Variants in SGCZ observed in about 807,000 individuals in gnomAD.
SGCZ encodes zeta-sarcoglycan.
SGCZ carries 40 observed loss-of-function variants against 41.3 expected under a neutral mutation model. The observed-to-expected ratio is 0.97, with a 90% confidence interval of 0.75 to 1.26. The LOEUF (loss-of-function observed/expected upper bound fraction) is 1.26, where lower values mean the gene tolerates loss of function less well. Among genes scored for constraint, SGCZ ranks in the 50% most tolerant of loss-of-function variants. The pLI is 0.00. For missense variants in SGCZ, 552 were observed against 369.8 expected (o/e 1.49, Z -4.04); for synonymous variants, 206 against 137.5 (o/e 1.50, Z -3.49).
chr8:14,910,183 A>C (rs1799241547), intron 1 of SGCZ, among the ~76,000 whole-genome samples: 1 of 142,932 alleles, frequency 7.0e-6, no homozygotes, highest in African/African-American at 2.9e-5. Context: ...AAAACCAGTA[A>C]CATATCTTCC....
At chr8:14,782,561 G>T (rs369430482) in intron 1 of SGCZ, among the ~76,000 whole-genome samples, 2 of 152,128 alleles carry the variant, frequency 1.3e-5, no homozygotes, top group African/African-American at 2.4e-5. Flanking sequence ...TAACCATCTG[G>T]AACCACCTAA....
intron 2 of SGCZ, among the ~76,000 whole-genome samples, chr8:14,396,739 G>A (rs13277345): frequency 0.19 from 28,656 of 151,718 alleles, 3,452 homozygotes; most frequent in Non-Finnish European, 0.28. Flanking sequence ...TTATTTTTGA[G>A]CTCAGATGAA....
At chr8:15,235,557 C>CT (rs1447328549) in intron 1 of SGCZ, among the ~76,000 whole-genome samples, 7 of 152,170 alleles carry the variant, frequency 4.6e-5, no homozygotes, top group African/African-American at 1.7e-4. Context: ...CCAGTACACT[C>CT]TGGCTATGAG....
chr8:14,997,195 A>G (rs1457607795), intron 1 of SGCZ, among the ~76,000 whole-genome samples: 1 of 152,138 alleles, frequency 6.6e-6, no homozygotes, highest in Non-Finnish European at 1.5e-5. Flanking sequence ...TCTCAGTGTT[A>G]TATTTACATA....
intron 1 of SGCZ, among the ~76,000 whole-genome samples, chr8:14,719,322 A>G (rs565367015): frequency 6.7e-6 from 1 of 150,228 alleles, no homozygotes; most frequent in South Asian, 2.1e-4. Flanking sequence ...ATACGTGTGC[A>G]TGTGTCTTTA....
intron 1 of SGCZ, among the ~76,000 whole-genome samples, chr8:15,196,458 T>C (rs1469283106): frequency 6.6e-6 from 1 of 152,158 alleles, no homozygotes; most frequent in Non-Finnish European, 1.5e-5. Context: ...AATGTTATCA[T>C]CCTGCAAGTG....
intron 4 of SGCZ, among the ~76,000 whole-genome samples, chr8:14,211,093 A>G (rs773321460): frequency 2.0e-5 from 3 of 152,110 alleles, no homozygotes; most frequent in Middle Eastern, 3.2e-3. Flanking sequence ...TAAATCCATG[A>G]TTTTGCCTGC....
chr8:14,577,224 T>C (rs866949191), intron 1 of SGCZ, among the ~76,000 whole-genome samples: 3 of 152,150 alleles, frequency 2.0e-5, no homozygotes, highest in Middle Eastern at 3.2e-3. Flanking sequence ...TAGATTACAA[T>C]AGATTAGTTC....
intron 1 of SGCZ, among the ~76,000 whole-genome samples, chr8:14,617,011 G>C (rs555221848): frequency 6.6e-6 from 1 of 151,800 alleles, no homozygotes; most frequent in African/African-American, 2.4e-5. Context: ...TGTATTTGTA[G>C]TAAGAAAAAA....
intron 1 of SGCZ, among the ~76,000 whole-genome samples, chr8:14,730,933 G>A (rs1301853574): frequency 6.6e-6 from 1 of 151,826 alleles, no homozygotes. Flanking sequence ...TTACGCTGTT[G>A]GCAGGAGTGT....
chr8:14,635,624 T>A (rs139804739), intron 1 of SGCZ, among the ~76,000 whole-genome samples: 142 of 151,854 alleles, frequency 9.4e-4, no homozygotes, highest in African/African-American at 3.2e-3. Flanking sequence ...TCTCTCTTCA[T>A]CCCAACAGGA....
intron 3 of SGCZ, among the ~76,000 whole-genome samples, chr8:14,240,359 C>T (rs1311294640): frequency 8.1e-6 from 1 of 124,134 alleles, no homozygotes; most frequent in African/African-American, 3.1e-5. Context: ...AAAAAAAGAA[C>T]TGAAAGTTTA....
At chr8:14,774,050 C>T (rs546199183) in intron 1 of SGCZ, among the ~76,000 whole-genome samples, 7 of 152,206 alleles carry the variant, frequency 4.6e-5, no homozygotes, top group Non-Finnish European at 8.8e-5. Context: ...AGCATTATTC[C>T]GAGTGTTTTT....
intron 1 of SGCZ, among the ~76,000 whole-genome samples, chr8:15,156,870 A>C (rs1192271035): frequency 1.3e-5 from 2 of 151,274 alleles, no homozygotes; most frequent in South Asian, 4.2e-4. Flanking sequence ...GCTTGAACCC[A>C]GGAGACGGAG....
intron 1 of SGCZ, among the ~76,000 whole-genome samples, chr8:14,774,564 A>G (rs890382769): frequency 6.6e-6 from 1 of 152,154 alleles, no homozygotes; most frequent in South Asian, 2.1e-4. Context: ...ATCAATCCTC[A>G]TGGTATTAGA....
At chr8:14,111,732 A>G (rs1802376936) in intron 5 of SGCZ, among the ~76,000 whole-genome samples, 1 of 152,160 alleles carries the variant, frequency 6.6e-6, no homozygotes, top group African/African-American at 2.4e-5. Context: ...AGTAGTAGAA[A>G]CCATTCATAT....
intron 1 of SGCZ, among the ~76,000 whole-genome samples, chr8:15,234,415 T>C (rs1802057428): frequency 1.3e-5 from 2 of 152,194 alleles, no homozygotes; most frequent in Admixed American, 1.3e-4. Flanking sequence ...GTAAAGTTTA[T>C]ACATTCATTG....
At chr8:15,022,830 C>A (rs1803305814) in intron 1 of SGCZ, among the ~76,000 whole-genome samples, 1 of 152,158 alleles carries the variant, frequency 6.6e-6, no homozygotes. Flanking sequence ...TTCAAATAGT[C>A]TTGTGCAAGA....
intron 1 of SGCZ, among the ~76,000 whole-genome samples, chr8:14,918,139 G>A (rs907180890): frequency 1.4e-4 from 22 of 152,298 alleles, no homozygotes; most frequent in African/African-American, 5.3e-4. Flanking sequence ...GATGGAAAAT[G>A]AGGTGAATAT....
Sources: allele counts gnomAD v4.1 joint callset (sites outside exome capture counted in the v4.1 genomes callset), GRCh38; gene constraint gnomAD v4.1.1; transcripts MANE v1.5; gene names NCBI Gene and HGNC (gene_info 2026-07-23, HGNC 2026-07-21).